TMEM11: variants seen among roughly 807,000 people sequenced by gnomAD.
The protein encoded by TMEM11 is transmembrane protein 11, mitochondrial.
Under a neutral mutation model 17.0 loss-of-function variants are expected in TMEM11, and 1 was observed. That is an observed-to-expected ratio of 0.06 (90% CI 0.02 to 0.28). TMEM11 has a LOEUF of 0.28. Ranked by LOEUF, TMEM11 falls within the 10% of genes least tolerant of loss-of-function variation. The pLI is 1.00. For missense variants in TMEM11, 172 were observed against 252.9 expected (o/e 0.68, Z 2.17); for synonymous variants, 122 against 118.1 (o/e 1.03, Z -0.21).
At chr17:21,200,295 T>C (rs1974869613) in intron 1 of TMEM11, among the ~76,000 whole-genome samples, 1 of 152,240 alleles carries the variant, frequency 6.6e-6, no homozygotes, top group Non-Finnish European at 1.5e-5. Context: ...ATCCATGCCT[T>C]GTCATCTTTC....
rs1974838798 is a variant in TMEM11, at chr17:21,198,064, GCGT to G, written c.*257_*259del. On this transcript the variant is annotated 3_prime_UTR_variant, in exon 2 of 2. Coordinates refer to ENST00000317635, the MANE Select transcript of TMEM11 (RefSeq NM_003876.3). This position sits in a 1 kb window ranked among gnomAD's most constrained non-coding sequence, Gnocchi z 6.5. The stretch of plus-strand genomic sequence containing the variant: ...AAAGCACGTCCACACCCCCTCGGCA[GCGT>G]CTGCCTCCATCAGCATTCCACTGCC... 2.2e-6 allele frequency: 1 copy of G among 462,292 alleles called. No homozygotes were observed. The highest frequency in any genetic ancestry group is 3.8e-6 in the Non-Finnish European group (1 of 261,300). The allele number at this position is 462,292 out of a possible 1,614,324, so 28.6% of individuals were successfully genotyped here.
At chr17:21,200,270 C>T (rs941074798) in intron 1 of TMEM11, among the ~76,000 whole-genome samples, 4 of 152,226 alleles carry the variant, frequency 2.6e-5, no homozygotes, top group Admixed American at 6.5e-5. Context: ...GGCGGGCAGG[C>T]CTGAAGACAG....
chr17:21,211,324 A>G (rs1017406591), intron 1 of TMEM11: 7 of 908,654 alleles, frequency 7.7e-6, no homozygotes, highest in Non-Finnish European at 7.6e-6. Context: ...CACTGTCCAT[A>G]TCATAACTTT....
intron 1 of TMEM11, among the ~76,000 whole-genome samples, chr17:21,212,786 T>C (rs544116179): frequency 6.6e-6 from 1 of 152,388 alleles, no homozygotes; most frequent in South Asian, 2.1e-4. Context: ...TTCGTATTAC[T>C]GTTTGCATTG....
At chr17:21,202,644 C>T (rs947344757) in intron 1 of TMEM11, among the ~76,000 whole-genome samples, 4 of 151,958 alleles carry the variant, frequency 2.6e-5, no homozygotes, top group East Asian at 3.9e-4. Context: ...CTTGCTGGGA[C>T]GGATGGGTGG....
At chr17:21,205,873 T>C (rs1974936955) in intron 1 of TMEM11, among the ~76,000 whole-genome samples, 1 of 152,122 alleles carries the variant, frequency 6.6e-6, no homozygotes, top group Non-Finnish European at 1.5e-5. Flanking sequence ...TATTGTAGCA[T>C]GTATCCGAAT....
intron 1 of TMEM11, among the ~76,000 whole-genome samples, chr17:21,205,226 G>A (rs1974929605): frequency 1.3e-5 from 2 of 152,136 alleles, no homozygotes; most frequent in African/African-American, 4.8e-5. Context: ...GGCAAGAGCC[G>A]CACAAGAAGG....
At chr17:21,204,810 G>C (rs2144299661) in intron 1 of TMEM11, among the ~76,000 whole-genome samples, 1 of 152,226 alleles carries the variant, frequency 6.6e-6, no homozygotes, top group Admixed American at 6.5e-5. Flanking sequence ...TCAGTGTCAT[G>C]ATCCTAAACA....
chr17:21,200,105 G>T (rs544918099), intron 1 of TMEM11, among the ~76,000 whole-genome samples: 14 of 152,190 alleles, frequency 9.2e-5, no homozygotes, highest in Non-Finnish European at 1.5e-4. Context: ...TCCACCACAC[G>T]GAACGCTCAG....
At chr17:21,207,330 G>C (rs1974952918) in intron 1 of TMEM11, among the ~76,000 whole-genome samples, 1 of 151,694 alleles carries the variant, frequency 6.6e-6, no homozygotes, top group African/African-American at 2.4e-5. Flanking sequence ...AGGACTTCAA[G>C]ACCAGGCTGG....
In TMEM11 at chr17:21,198,146, C is replaced by G. The variant is rs1974839905; in HGVS notation, c.*178G>C. ...CCTCTTGGGTTATGGAAATCCACAT[C>G]TTAGTGTAATGAGCTGAAAAACCCT... On this transcript the variant is annotated 3_prime_UTR_variant, in exon 2 of 2. Coordinates refer to ENST00000317635, the MANE Select transcript of TMEM11 (RefSeq NM_003876.3). This position sits in a 1 kb window ranked among gnomAD's most constrained non-coding sequence, Gnocchi z 6.5. The G allele has an allele frequency of 2.6e-6, 2 of 760,562 alleles. No homozygotes were observed. The highest frequency in any genetic ancestry group is 5.5e-5 in the East Asian group (2 of 36,312). The allele number at this position is 760,562 out of a possible 1,614,324, so 47.1% of individuals were successfully genotyped here.
At chr17:21,202,698 A>G (rs986917442) in intron 1 of TMEM11, among the ~76,000 whole-genome samples, 1 of 152,162 alleles carries the variant, frequency 6.6e-6, no homozygotes, top group Non-Finnish European at 1.5e-5. Context: ...GCGAGAAGCC[A>G]AGGCCCTCCA....
chr17:21,208,227 C>T (rs1281711433), intron 1 of TMEM11, among the ~76,000 whole-genome samples: 1 of 152,052 alleles, frequency 6.6e-6, no homozygotes, highest in Non-Finnish European at 1.5e-5. Context: ...CTCCTGACCT[C>T]GTGATCCGCC....
At chr17:21,209,074 G>A (rs948295662) in intron 1 of TMEM11, among the ~76,000 whole-genome samples, 1 of 152,230 alleles carries the variant, frequency 6.6e-6, no homozygotes, top group Non-Finnish European at 1.5e-5. Flanking sequence ...CAGACTCAAA[G>A]GCACGGGCAT....
At chr17:21,207,399 G>T (rs1428280515) in intron 1 of TMEM11, among the ~76,000 whole-genome samples, 8 of 151,898 alleles carry the variant, frequency 5.3e-5, no homozygotes, top group Non-Finnish European at 1.2e-4. Flanking sequence ...GCGTGGTGGT[G>T]CATGCCTGTG....
intron 1 of TMEM11, among the ~76,000 whole-genome samples, chr17:21,200,067 G>A (rs1054852585): frequency 1.3e-5 from 2 of 152,204 alleles, no homozygotes; most frequent in Admixed American, 1.3e-4. Flanking sequence ...GGGGATGCAT[G>A]TCATGACCCC....
intron 1 of TMEM11, among the ~76,000 whole-genome samples, chr17:21,200,087 G>A (rs888178229): frequency 1.3e-5 from 2 of 152,190 alleles, no homozygotes; most frequent in South Asian, 4.1e-4. Context: ...CAACCAGCAG[G>A]AGAGTAATCC....
At chr17:21,209,629 C>T (rs763335739) in intron 1 of TMEM11, among the ~76,000 whole-genome samples, 8 of 152,136 alleles carry the variant, frequency 5.3e-5, no homozygotes, top group Admixed American at 2.0e-4. Flanking sequence ...ATGAGCTGGG[C>T]GTGGTGGTAC....
In TMEM11 at chr17:21,214,104, T is replaced by A. The variant is rs761955513; in HGVS notation, c.49A>T (p.Ser17Cys). 2 of 1,610,942 alleles carry A rather than the reference T, an allele frequency of 1.2e-6. No individual in the cohort carries two copies. Among genetic ancestry groups the A allele is most frequent in the Admixed American group, 3.3e-5 (2 of 59,970 alleles). The change falls in exon 1 of 2, where the codon AGC becomes TGC. Residue 17 changes from serine to cysteine, a missense_variant. Ser to Cys is a moderately radical substitution (Grantham distance 112). Coordinates refer to ENST00000317635, the MANE Select transcript of TMEM11 (RefSeq NM_003876.3). The part of the protein sequence containing the change: ...RRLGPGSSGG[S>C]ARERVSLSAT... ...CTTGGATCTCACCTCTCTCGGGCGC[T>A]GCCGCCACTGCTGCCCGGGCCAAGA...
Sources: gnomAD v4.1 joint callset for allele counts (sites outside exome capture counted in the v4.1 genomes callset) on GRCh38, gnomAD v4.1.1 for gene constraint, Gnocchi (gnomAD v3.1) non-coding constraint, MANE v1.5 for transcripts, NCBI Gene and HGNC (gene_info 2026-07-23, HGNC 2026-07-21) for gene names.